CAMTA1: variants seen among roughly 807,000 people sequenced by gnomAD.
CAMTA1 encodes the protein calmodulin binding transcription activator 1.
A neutral mutation model predicts 170.9 loss-of-function variants in CAMTA1; 27 were observed. The observed-to-expected ratio is 0.16, with a 90% confidence interval of 0.12 to 0.22. CAMTA1 has a LOEUF of 0.22. CAMTA1 is among the 10% of genes least tolerant of loss of function. The pLI, the probability that CAMTA1 is intolerant of heterozygous loss-of-function variation, is 1.00. For synonymous variants in CAMTA1, 833 were observed against 891.5 expected, an observed-to-expected ratio of 0.93 and a Z score of 1.17; for missense variants, 1,619 against 2,217.2, an observed-to-expected ratio of 0.73 and a Z score of 5.42.
At chr1:7,006,873 T>C (rs1048864828) in intron 3 of CAMTA1, among the ~76,000 whole-genome samples, 9 of 152,170 alleles carry the variant, frequency 5.9e-5, no homozygotes, top group African/African-American at 2.2e-4. Flanking sequence ...CTTGTATGAT[T>C]TCTAGAGTTC....
chr1:7,124,747 G>A (rs1644837463), intron 4 of CAMTA1, among the ~76,000 whole-genome samples: 1 of 152,258 alleles, frequency 6.6e-6, no homozygotes, highest in South Asian at 2.1e-4. Context: ...GACAGCAGGA[G>A]ATGGCTTAGT....
intron 3 of CAMTA1, among the ~76,000 whole-genome samples, chr1:6,899,554 G>GCGCGCACACA (rs1306510241): frequency 1.8e-4 from 26 of 141,086 alleles, no homozygotes; most frequent in South Asian, 6.6e-4. Context: ...ACGCGCGCGC[G>GCGCGCACACA]CACACACACA....
intron 4 of CAMTA1, among the ~76,000 whole-genome samples, chr1:7,107,758 TAGTG>T (rs902425123): frequency 3.3e-5 from 5 of 152,086 alleles, no homozygotes; most frequent in African/African-American, 1.2e-4. Flanking sequence ...AGCCCCCATT[TAGTG>T]AGTGTCTAGA....
chr1:6,975,769 C>G (rs540499665), intron 3 of CAMTA1, among the ~76,000 whole-genome samples: 1 of 152,256 alleles, frequency 6.6e-6, no homozygotes, highest in East Asian at 1.9e-4. Context: ...TTAATCGCCC[C>G]AAAAGGAAGC....
intron 22 of CAMTA1, among the ~76,000 whole-genome samples, chr1:7,760,029 G>A (rs981573875): frequency 1.3e-5 from 2 of 152,096 alleles, no homozygotes; most frequent in Admixed American, 1.3e-4. Context: ...ATCACTATGG[G>A]TGTTATTAAA....
intron 5 of CAMTA1, among the ~76,000 whole-genome samples, chr1:7,250,473 A>G (rs1395064199): frequency 1.3e-5 from 2 of 152,158 alleles, no homozygotes; most frequent in African/African-American, 4.8e-5. Context: ...CTGGCTCGTG[A>G]TCCACCTGTT....
chr1:7,625,259 T>C (rs991644793), intron 6 of CAMTA1, among the ~76,000 whole-genome samples: 1 of 152,214 alleles, frequency 6.6e-6, no homozygotes, highest in Non-Finnish European at 1.5e-5. Flanking sequence ...GGGAAGGCAG[T>C]GAGGGGAGAC....
At chr1:7,397,719 G>C (rs1350803864) in intron 5 of CAMTA1, among the ~76,000 whole-genome samples, 1 of 151,930 alleles carries the variant, frequency 6.6e-6, no homozygotes, top group Non-Finnish European at 1.5e-5. Flanking sequence ...TTTGTCCCAA[G>C]AATTTTGTCA....
chr1:6,986,261 G>T (rs1001515572), intron 3 of CAMTA1, among the ~76,000 whole-genome samples: 1 of 152,216 alleles, frequency 6.6e-6, no homozygotes, highest in Non-Finnish European at 1.5e-5. Flanking sequence ...GGGCGAGGCA[G>T]CTCTGAGCAT....
chr1:7,726,501 A>G (rs890782095), intron 11 of CAMTA1, among the ~76,000 whole-genome samples: 1 of 152,160 alleles, frequency 6.6e-6, no homozygotes, highest in Non-Finnish European at 1.5e-5. Context: ...GGCTCTTTAT[A>G]CTGTTTTTTA....
intron 5 of CAMTA1, among the ~76,000 whole-genome samples, chr1:7,406,919 A>G (rs1444704967): frequency 6.6e-6 from 1 of 152,300 alleles, no homozygotes; most frequent in South Asian, 2.1e-4. Context: ...TAAGACACGC[A>G]CATCCAACTG....
chr1:7,103,546 A>G (rs1643052090), intron 4 of CAMTA1, among the ~76,000 whole-genome samples: 2 of 63,814 alleles, frequency 3.1e-5, no homozygotes, highest in Non-Finnish European at 6.0e-5. Flanking sequence ...ACACACATGT[A>G]CACACTACAC....
intron 5 of CAMTA1, among the ~76,000 whole-genome samples, chr1:7,362,199 C>T (rs1402010081): frequency 6.6e-6 from 1 of 152,228 alleles, no homozygotes; most frequent in Non-Finnish European, 1.5e-5. Flanking sequence ...TAGCATTTCT[C>T]TTATGATTGG....
chr1:7,566,562 C>G (rs1454414355), intron 6 of CAMTA1, among the ~76,000 whole-genome samples: 1 of 152,138 alleles, frequency 6.6e-6, no homozygotes, highest in African/African-American at 2.4e-5. Context: ...CCTAAGCAGG[C>G]AGGCAGCCCC....
chr1:7,435,084 G>C lies in CAMTA1; in HGVS notation c.439-32746G>C, dbSNP rs965954266. The stretch of plus-strand genomic sequence containing the variant: ...AAAAAGAAAAAAAAGAAGGCAGAGG[G>C]CATGCTAGCTGAATGCTGCCTGAAG... On this transcript the variant is annotated intron_variant, in intron 5 of 22. Transcript: ENST00000303635. This position sits in a 1 kb window ranked among gnomAD's most constrained non-coding sequence, Gnocchi z 4.4. Among the ~76,000 whole-genome samples the C allele has an allele frequency of 1.3e-5, 2 of 152,064 alleles. No individual in the cohort carries two copies. Among genetic ancestry groups the C allele is most frequent in the African/African-American group, 2.4e-5 (1 of 41,396 alleles).
intron 4 of CAMTA1, among the ~76,000 whole-genome samples, chr1:7,150,391 A>G (rs567557566): frequency 6.6e-6 from 1 of 152,212 alleles, no homozygotes; most frequent in Non-Finnish European, 1.5e-5. Flanking sequence ...TGCTTCCTCC[A>G]TCAGAGCGGG....
chr1:6,892,090 T>C (rs953878886), intron 3 of CAMTA1, among the ~76,000 whole-genome samples: 2 of 152,240 alleles, frequency 1.3e-5, no homozygotes, highest in African/African-American at 4.8e-5. Context: ...TTAAAATGGC[T>C]AACCTCTACT....
rs74051176 is a variant in CAMTA1, at chr1:7,196,445, A to T, written c.303-53046A>T. ...CTTAGAGATCTGTTTGCCTGCTCTCACAGAGCCCCTGACCAGTGATGGGAC... is the reference window on the plus strand; with the variant it reads ...CTTAGAGATCTGTTTGCCTGCTCTCTCAGAGCCCCTGACCAGTGATGGGAC... On this transcript the variant is annotated intron_variant, in intron 4 of 22. Coordinates refer to ENST00000303635, the MANE Select transcript of CAMTA1 (RefSeq NM_015215.4). Among the ~76,000 whole-genome samples, 503 of 152,346 alleles carry T rather than the reference A, an allele frequency of 3.3e-3. 2 individuals carry two copies. The highest frequency in any genetic ancestry group is 0.012 in the African/African-American group (481 of 41,582).
intron 5 of CAMTA1, among the ~76,000 whole-genome samples, chr1:7,323,510 T>C (rs904565922): frequency 1.5e-4 from 2 of 13,604 alleles, no homozygotes; most frequent in African/African-American, 7.8e-4. Flanking sequence ...TATTCTTCTT[T>C]TTTTTTTTTT....
Sources: allele counts gnomAD v4.1 joint callset (sites outside exome capture counted in the v4.1 genomes callset), GRCh38; gene constraint gnomAD v4.1.1; non-coding constraint Gnocchi (gnomAD v3.1); transcripts MANE v1.5; gene names NCBI Gene and HGNC (gene_info 2026-07-23, HGNC 2026-07-21).